The following NCKAP5 variants were observed in gnomAD, a reference collection of about 807,000 sequenced individuals.
NCKAP5 encodes NCK associated protein 5.
NCKAP5 carries 92 observed loss-of-function variants against 167.0 expected under a neutral mutation model. The observed-to-expected ratio is 0.55, with a 90% CI of 0.47 to 0.66. NCKAP5 has a LOEUF of 0.66. Among genes scored for constraint, NCKAP5 ranks in the 30% least tolerant of loss-of-function variants. The pLI is 0.00. For synonymous variants in NCKAP5, 891 were observed against 877.4 expected (o/e 1.02, Z -0.27); for missense variants, 2,378 against 2,315.0 (o/e 1.03, Z -0.56).
At chr2:133,201,507 C>T (rs944026842) in intron 5 of NCKAP5, among the ~76,000 whole-genome samples, 1 of 152,098 alleles carries the variant, frequency 6.6e-6, no homozygotes, top group Non-Finnish European at 1.5e-5. Flanking sequence ...ACAGGCAAGA[C>T]TGATACATAT....
intron 2 of NCKAP5, among the ~76,000 whole-genome samples, chr2:133,552,974 T>A (rs1323855161): frequency 6.6e-6 from 1 of 152,184 alleles, no homozygotes; most frequent in Non-Finnish European, 1.5e-5. Flanking sequence ...TAAAAAGTTT[T>A]ACTGTTGTCA....
intron 6 of NCKAP5, among the ~76,000 whole-genome samples, chr2:133,128,666 C>T (rs893467548): frequency 6.6e-6 from 1 of 151,768 alleles, no homozygotes; most frequent in Admixed American, 6.6e-5. Context: ...GGCGCAATCT[C>T]GGCTCACTGC....
chr2:132,951,605 G>T (rs1042316203), intron 8 of NCKAP5, among the ~76,000 whole-genome samples: 4 of 152,252 alleles, frequency 2.6e-5, no homozygotes, highest in South Asian at 4.2e-4. Context: ...ACCCTCAAAA[G>T]GTTGCTATCA....
At chr2:132,768,497 T>C (rs572172636) in intron 16 of NCKAP5, among the ~76,000 whole-genome samples, 8 of 152,184 alleles carry the variant, frequency 5.3e-5, no homozygotes, top group Non-Finnish European at 8.8e-5. Flanking sequence ...GTGTTAATAC[T>C]TCTATTAAGC....
intron 6 of NCKAP5, among the ~76,000 whole-genome samples, chr2:133,071,565 T>A (rs2080404475): frequency 6.6e-6 from 1 of 152,264 alleles, no homozygotes; most frequent in African/African-American, 2.4e-5. Flanking sequence ...AAATTCCACT[T>A]TCTAAAAGCC....
intron 6 of NCKAP5, among the ~76,000 whole-genome samples, chr2:133,029,821 T>C (rs1443120398): frequency 6.6e-6 from 1 of 152,214 alleles, no homozygotes; most frequent in Non-Finnish European, 1.5e-5. Context: ...GCTCCCTGAC[T>C]ATTCACTCTC....
intron 19 of NCKAP5, among the ~76,000 whole-genome samples, chr2:132,717,212 A>C (rs1689455767): frequency 2.0e-5 from 3 of 152,168 alleles, no homozygotes; most frequent in Admixed American, 1.3e-4. Context: ...ATGTCCATCC[A>C]CTTCGAGCTG....
At chr2:132,911,881 C>T (rs1009724570) in intron 8 of NCKAP5, among the ~76,000 whole-genome samples, 4 of 152,174 alleles carry the variant, frequency 2.6e-5, no homozygotes, top group Non-Finnish European at 2.9e-5. Context: ...TGTTGATTAG[C>T]GGGCCCTCCC....
At chr2:133,669,256 A>G in the NCKAP5 span, among the ~76,000 whole-genome samples, 1 of 152,146 alleles carries the variant, frequency 6.6e-6, no homozygotes, top group African/African-American at 2.4e-5. Context: ...CTTTCCCCGG[A>G]ATAAATGCTC....
At chr2:133,367,454 A>C (rs1308636491) in intron 3 of NCKAP5, among the ~76,000 whole-genome samples, 1 of 152,162 alleles carries the variant, frequency 6.6e-6, no homozygotes, top group Non-Finnish European at 1.5e-5. Context: ...ATAAGTTTAA[A>C]AACCACTACT....
At chr2:133,491,028 A>G (rs1681392674) in intron 3 of NCKAP5, among the ~76,000 whole-genome samples, 1 of 152,222 alleles carries the variant, frequency 6.6e-6, no homozygotes, top group African/African-American at 2.4e-5. Flanking sequence ...ACAGGAGAAG[A>G]AAAGAATTTG....
intron 4 of NCKAP5, among the ~76,000 whole-genome samples, chr2:133,236,238 A>C (rs1266671038): frequency 6.6e-6 from 1 of 152,174 alleles, no homozygotes; most frequent in African/African-American, 2.4e-5. Flanking sequence ...AACATACATA[A>C]AACACCATAA....
chr2:133,435,161 G>C (rs937105938), intron 3 of NCKAP5, among the ~76,000 whole-genome samples: 1 of 152,146 alleles, frequency 6.6e-6, no homozygotes, highest in African/African-American at 2.4e-5. Flanking sequence ...TCAAGTGGGG[G>C]TTGGAGAGTG....
At chr2:132,901,672 T>C (rs2148913313) in intron 8 of NCKAP5, among the ~76,000 whole-genome samples, 1 of 152,364 alleles carries the variant, frequency 6.6e-6, no homozygotes, top group East Asian at 1.9e-4. Context: ...TAAAAATAGC[T>C]CTTCATATTT....
At chr2:132,969,632 T>G (rs1325638205) in intron 7 of NCKAP5, among the ~76,000 whole-genome samples, 5 of 152,290 alleles carry the variant, frequency 3.3e-5, no homozygotes, top group African/African-American at 1.2e-4. Context: ...TGAGGCTCTG[T>G]GTAGTTCTCA....
At chr2:132,939,776 G>A (rs1351863499) in intron 8 of NCKAP5, among the ~76,000 whole-genome samples, 1 of 152,078 alleles carries the variant, frequency 6.6e-6, no homozygotes, top group Non-Finnish European at 1.5e-5. Context: ...AAGGTGGGTG[G>A]ATCACTTGAG....
intron 8 of NCKAP5, among the ~76,000 whole-genome samples, chr2:132,942,338 ACTCT>A (rs899803643): frequency 1.3e-5 from 2 of 151,898 alleles, no homozygotes; most frequent in East Asian, 1.9e-4. Flanking sequence ...GCCACTGCTC[ACTCT>A]CTCTCCAGGT....
intron 8 of NCKAP5, among the ~76,000 whole-genome samples, chr2:132,963,027 A>T (rs908954902): frequency 8.6e-5 from 13 of 151,946 alleles, no homozygotes; most frequent in African/African-American, 2.9e-4. Context: ...AGAAAAAAAA[A>T]ATCTTTGCTG....
intron 4 of NCKAP5, among the ~76,000 whole-genome samples, chr2:133,244,946 A>C (rs1266710304): frequency 6.6e-6 from 1 of 152,248 alleles, no homozygotes; most frequent in South Asian, 2.1e-4. Flanking sequence ...CTAAGCATAA[A>C]GGACTTTATT....
Sources: gnomAD v4.1 joint callset for allele counts (sites outside exome capture counted in the v4.1 genomes callset) on GRCh38, gnomAD v4.1.1 for gene constraint, MANE v1.5 for transcripts, NCBI Gene and HGNC (gene_info 2026-07-23, HGNC 2026-07-21) for gene names.